The following GGACT variants were observed in gnomAD, a reference collection of about 807,000 sequenced individuals.
GGACT encodes gamma-glutamylamine cyclotransferase, also known as gamma-glutamylaminecyclotransferase.
For missense variants in GGACT, 241 were observed against 233.2 expected (o/e 1.03, Z -0.22); for synonymous variants, 118 against 115.3 (o/e 1.02, Z -0.15).
intron 2 of GGACT, chr13:100,539,368 G>A (rs563458542): frequency 3.3e-5 from 5 of 153,502 alleles, no homozygotes; most frequent in East Asian, 1.9e-4. Flanking sequence ...TTATGATGTT[G>A]AGGTAATTTC....
chr13:100,546,581 T>TG (rs1474083332), intron 2 of GGACT, among the ~76,000 whole-genome samples: 2 of 151,742 alleles, frequency 1.3e-5, no homozygotes, highest in East Asian at 1.9e-4. Context: ...GAGGCTGAGG[T>TG]GGGGGGATCG....
chr13:100,538,912 CT>C (rs1464108290), intron 2 of GGACT: 1 of 152,184 alleles, frequency 6.6e-6, no homozygotes, highest in African/African-American at 2.4e-5. Flanking sequence ...ATGTGTTGTA[CT>C]TTTCAGTGTA....
In GGACT at chr13:100,532,039, C is replaced by G. The variant is rs1451978158; in HGVS notation, c.*91G>C. The G allele has an allele frequency of 5.5e-5, 48 of 866,636 alleles. 2 individuals are homozygous for G. In the Admixed American group the frequency reaches 1.4e-3, roughly 25 times the overall value. 53.7% of individuals were successfully genotyped at this position (866,636 alleles called of 1,614,324 possible). A position where few individuals can be genotyped will look rare whatever the true frequency, so the allele number is the denominator to read the frequency against. On this transcript the variant is annotated 3_prime_UTR_variant, in exon 3 of 3. Transcript: ENST00000683975. Reference sequence around the variant, plus strand: ...TTTCCGGCAGATTCATTGGAAAGGGCCCTGTTCGGCTTCCGCCTTCACCCA... The same window carrying G: ...TTTCCGGCAGATTCATTGGAAAGGGGCCTGTTCGGCTTCCGCCTTCACCCA...
intron 2 of GGACT, among the ~76,000 whole-genome samples, chr13:100,566,070 C>T (rs2088807996): frequency 6.6e-6 from 1 of 152,172 alleles, no homozygotes; most frequent in Non-Finnish European, 1.5e-5. Context: ...CAAGGCATGC[C>T]AGCTGTCAGG....
intron 2 of GGACT, among the ~76,000 whole-genome samples, chr13:100,555,377 T>C (rs956784647): frequency 2.0e-5 from 3 of 151,492 alleles, no homozygotes; most frequent in Non-Finnish European, 4.4e-5. Flanking sequence ...ATACAAAAAA[T>C]TAGGTGGGCA....
At chr13:100,539,710 C>T (rs1354313366) in intron 2 of GGACT, 3 of 602,108 alleles carry the variant, frequency 5.0e-6, no homozygotes, top group Non-Finnish European at 8.7e-6. Flanking sequence ...ATGCTCAACA[C>T]TGAAATGTTC....
Position 100,530,541 on chromosome 13 carries a change from A to G in GGACT, c.*1589T>C. ...GTGATCCTTTTAAGAGATTGATATA[A>G]ATGTCAGTCAGTTCTCTGCCTTGCT... On this transcript the variant is annotated 3_prime_UTR_variant, in exon 3 of 3. Coordinates refer to ENST00000683975, the MANE Select transcript of GGACT (RefSeq NM_001195087.2). 2.9e-6 allele frequency: 1 copy of G among 347,234 alleles called. No individual in the cohort carries two copies. The highest frequency in any genetic ancestry group is 2.7e-5 in the South Asian group (1 of 37,696). The allele number at this position is 347,234 out of a possible 1,614,324, so 21.5% of individuals were successfully genotyped here.
intron 2 of GGACT, among the ~76,000 whole-genome samples, chr13:100,542,096 A>T (rs1298816218): frequency 6.6e-6 from 1 of 152,260 alleles, no homozygotes; most frequent in Non-Finnish European, 1.5e-5. Context: ...CACTGAAACA[A>T]GCAATTAATT....
intron 2 of GGACT, among the ~76,000 whole-genome samples, chr13:100,581,681 T>A (rs11842248): frequency 0.031 from 4,679 of 152,288 alleles, 250 homozygotes; most frequent in African/African-American, 0.11. Flanking sequence ...TGTGACTTCC[T>A]TTCAGAGCAC....
intron 2 of GGACT, among the ~76,000 whole-genome samples, chr13:100,561,993 C>T (rs1001506309): frequency 6.6e-5 from 10 of 152,294 alleles, no homozygotes; most frequent in Admixed American, 5.9e-4. Flanking sequence ...CTGCATGCCC[C>T]GGAGGAGGCT....
chr13:100,574,414 A>G (rs1190398976), intron 2 of GGACT, among the ~76,000 whole-genome samples: 1 of 152,152 alleles, frequency 6.6e-6, no homozygotes, highest in Non-Finnish European at 1.5e-5. Flanking sequence ...TGTCTCTACT[A>G]AAAATACAAA....
intron 1 of GGACT, among the ~76,000 whole-genome samples, chr13:100,588,184 C>A (rs1875639011): frequency 6.6e-6 from 1 of 152,134 alleles, no homozygotes; most frequent in South Asian, 2.1e-4. Context: ...GCAATGATAA[C>A]CATAATTAAT....
intron 1 of GGACT, among the ~76,000 whole-genome samples, chr13:100,585,983 AAAAAT>A (rs1236145905): frequency 3.9e-5 from 6 of 152,210 alleles, no homozygotes; most frequent in Admixed American, 6.5e-5. Flanking sequence ...TCCTGTCTCA[AAAAAT>A]AAAATAAAAT....
intron 2 of GGACT, among the ~76,000 whole-genome samples, chr13:100,535,469 T>G (rs1026539358): frequency 2.6e-5 from 4 of 152,204 alleles, no homozygotes; most frequent in African/African-American, 9.6e-5. Flanking sequence ...TCTCTGTGCC[T>G]CAGCTTCCTC....
At chr13:100,544,923 C>A (rs1056450050) in intron 2 of GGACT, among the ~76,000 whole-genome samples, 1 of 152,234 alleles carries the variant, frequency 6.6e-6, no homozygotes, top group Non-Finnish European at 1.5e-5. Context: ...GGATGGAGAA[C>A]CGGCCAGGGC....
At chr13:100,581,869 C>T (rs1406256513) in intron 2 of GGACT, among the ~76,000 whole-genome samples, 1 of 152,168 alleles carries the variant, frequency 6.6e-6, no homozygotes, top group East Asian at 1.9e-4. Context: ...ATCCCCACAC[C>T]CCTGTGGCAG....
At position 100,531,586 on chromosome 13, in the gene GGACT, A is replaced by G. The variant is rs1256095914; in HGVS notation, c.*544T>C. The G allele has an allele frequency of 6.6e-6, 1 of 152,458 alleles. No homozygotes were observed. Among genetic ancestry groups the G allele is most frequent in the Non-Finnish European group, 1.5e-5 (1 of 68,188 alleles). 9.4% of individuals were successfully genotyped at this position (152,458 alleles called of 1,614,324 possible). On this transcript the variant is annotated 3_prime_UTR_variant, in exon 3 of 3. Transcript: ENST00000683975. ...TCCCAAAACATCGACTTCAAATTTA[A>G]ATAATCTTTAATATTTGCTGTGAAG...
At chr13:100,560,651 G>A (rs1356894137) in intron 2 of GGACT, among the ~76,000 whole-genome samples, 1 of 152,254 alleles carries the variant, frequency 6.6e-6, no homozygotes, top group African/African-American at 2.4e-5. Flanking sequence ...TCCTGGCTGA[G>A]GAGGGTTGCA....
At chr13:100,571,126 C>T (rs1287964244) in intron 2 of GGACT, among the ~76,000 whole-genome samples, 1 of 151,950 alleles carries the variant, frequency 6.6e-6, no homozygotes, top group Non-Finnish European at 1.5e-5. Flanking sequence ...TCTGCCAATC[C>T]AAAGGAAAGA....
Sources: allele counts gnomAD v4.1 joint callset (sites outside exome capture counted in the v4.1 genomes callset), GRCh38; gene constraint gnomAD v4.1.1; transcripts MANE v1.5; gene names NCBI Gene and HGNC (gene_info 2026-07-23, HGNC 2026-07-21).